Variants in RTF1 observed in about 807,000 individuals in gnomAD.
RTF1 encodes the protein RNA polymerase-associated protein RTF1 homolog.
RTF1 carries 10 observed loss-of-function variants against 95.7 expected under a neutral mutation model. The ratio of observed to expected loss-of-function variants is 0.10; its 90% CI spans 0.06 to 0.18. The LOEUF (loss-of-function observed/expected upper bound fraction) is 0.18. Among genes scored for constraint, RTF1 ranks in the 10% least tolerant of loss-of-function variants. RTF1 has a pLI of 1.00. For synonymous variants in RTF1, 305 were observed against 311.8 expected, an observed-to-expected ratio of 0.98 and a Z score of 0.23; for missense variants, 458 against 875.6, an observed-to-expected ratio of 0.52 and a Z score of 6.02.
chr15:41,424,553 C>T (rs1350206394), intron 1 of RTF1, among the ~76,000 whole-genome samples: 4 of 152,054 alleles, frequency 2.6e-5, no homozygotes, highest in South Asian at 2.1e-4. Flanking sequence ...AGTCAGTTTA[C>T]GGACTACACT....
intron 2 of RTF1, among the ~76,000 whole-genome samples, chr15:41,444,298 A>ATT (rs879695308): frequency 4.2e-5 from 6 of 143,114 alleles, no homozygotes; most frequent in African/African-American, 1.3e-4. Flanking sequence ...TACTTGCTAG[A>ATT]TTTTTTTTTT....
Position 41,417,321 on chromosome 15 carries a change from C to T in RTF1, c.198+8C>T. 8.0e-7 allele frequency: 1 copy of T among 1,246,922 alleles called. No homozygotes were observed. The allele number at this position is 1,246,922 out of a possible 1,614,324, so 77.2% of individuals were successfully genotyped here. A position where few individuals can be genotyped will look rare whatever the true frequency, so the allele number is the denominator to read the frequency against. On this transcript the variant is annotated splice_region_variant and intron_variant, in intron 1 of 17. Transcript: ENST00000389629. ...GACGAGAACCTGGATCAGGTGAGGG[C>T]AGGCCGCGGAGGCGCGGGCCGGCGG... is the stretch of plus-strand genomic sequence containing the variant.
At chr15:41,430,174 A>ATTTTTTTTTTTTTTT in intron 1 of RTF1, among the ~76,000 whole-genome samples, 1 of 110,256 alleles carries the variant, frequency 9.1e-6, no homozygotes, top group Non-Finnish European at 1.9e-5. Flanking sequence ...TGTCTGGCTA[A>ATTTTTTTTTTTTTTT]TTTTTTTTTT....
intron 9 of RTF1, among the ~76,000 whole-genome samples, chr15:41,475,282 A>G (rs1365439247): frequency 6.6e-6 from 1 of 152,144 alleles, no homozygotes. Flanking sequence ...TGTTGACTGT[A>G]ATGGATTTTA....
At position 41,431,371 on chromosome 15, in the gene RTF1, C is replaced by T. The variant is rs556735094; in HGVS notation, c.199-6950C>T. Reference sequence around the variant, plus strand: ...CTGGGATTACAGGCGCCTGCCACCACGCCCAGCTACTTTTTTTGTATTTTT... The same window carrying T: ...CTGGGATTACAGGCGCCTGCCACCATGCCCAGCTACTTTTTTTGTATTTTT... On this transcript the variant is annotated intron_variant, in intron 1 of 17. Transcript: ENST00000389629. Among the ~76,000 whole-genome samples the T allele has an allele frequency of 7.6e-4, 114 of 149,526 alleles. 1 individual carries two copies. In the East Asian group the frequency reaches 0.019, roughly 24 times the overall value.
At chr15:41,472,195 A>G (rs1027100225) in intron 8 of RTF1, among the ~76,000 whole-genome samples, 1 of 139,818 alleles carries the variant, frequency 7.2e-6, no homozygotes, top group Middle Eastern at 4.3e-3. Context: ...GCCTATTTTT[A>G]TTTTTATTTA....
chr15:41,454,185 G>A (rs1481236873), intron 3 of RTF1, among the ~76,000 whole-genome samples: 1 of 151,958 alleles, frequency 6.6e-6, no homozygotes, highest in Non-Finnish European at 1.5e-5. Context: ...CAACCTCTGT[G>A]TCCCGGGGTT....
rs376782318 is a variant in RTF1 at position 41,441,390 on chromosome 15, C to T, written c.309+2959C>T. Among the ~76,000 whole-genome samples the T allele has an allele frequency of 1.0e-3, 158 of 152,260 alleles. 2 individuals carry two copies. The South Asian group carries it at 0.025, about 24-fold the overall frequency. ...GAATATGTGTTATGCCTGGAATACCCTGTAATGTGTTTGTGGTCTCTGGTA... is the reference window on the plus strand; with the variant it reads ...GAATATGTGTTATGCCTGGAATACCTTGTAATGTGTTTGTGGTCTCTGGTA... On this transcript the variant is annotated intron_variant, in intron 2 of 17. Coordinates refer to ENST00000389629, the MANE Select transcript of RTF1 (RefSeq NM_015138.5).
chr15:41,437,357 C>T (rs181123513), intron 1 of RTF1, among the ~76,000 whole-genome samples: 52 of 150,978 alleles, frequency 3.4e-4, no homozygotes, highest in Middle Eastern at 3.4e-3. Flanking sequence ...AAAAATTAGC[C>T]GGGCGTGGTG....
At position 41,447,811 on chromosome 15, in the gene RTF1, G is replaced by T. The variant is rs140893450; in HGVS notation, c.310-5090G>T. 3.9e-5 allele frequency among the ~76,000 whole-genome samples: 6 copies of T among 152,260 alleles called. No homozygotes were observed. The East Asian group carries it at 1.2e-3, about 29-fold the overall frequency. On this transcript the variant is annotated intron_variant, in intron 2 of 17. Coordinates refer to ENST00000389629, the MANE Select transcript of RTF1 (RefSeq NM_015138.5). The stretch of plus-strand genomic sequence containing the variant: ...TTTTCTCATTCTTGGCTTATGTTTG[G>T]TGCATTTGAGGGCAGTTTGAAGGTT...
rs528306525 is a variant in RTF1, at chr15:41,454,102, T to A, written c.457+1054T>A. Among the ~76,000 whole-genome samples, 22 of 152,310 alleles carry A rather than the reference T, an allele frequency of 1.4e-4. No homozygotes were observed. In the East Asian group the frequency reaches 2.9e-3, roughly 20 times the overall value. On this transcript the variant is annotated intron_variant, in intron 3 of 17. Transcript: ENST00000389629. Reference sequence around the variant, plus strand: ...TGTGTTTTTTTATTTTTTATTTTTTTAATTTATTATCGAGACAGAGTTTCG... The same window carrying A: ...TGTGTTTTTTTATTTTTTATTTTTTAAATTTATTATCGAGACAGAGTTTCG...
intron 16 of RTF1, 141 bp downstream of exon 16, chr15:41,479,339 A>G: frequency 1.6e-6 from 1 of 613,548 alleles, no homozygotes; most frequent in South Asian, 2.0e-5. Flanking sequence ...CATCCCAGTT[A>G]TTTACAGATA....
rs750241172 is a variant in RTF1, at chr15:41,475,625, A to G, written c.1374+13A>G. On this transcript the variant is annotated intron_variant, in intron 10 of 17. Transcript: ENST00000389629. ...GTGGAAAGAAGCGGTACGTGGCTAG[A>G]GATTACCTAGCAGTTGTTCGTGCAC... is the stretch of plus-strand genomic sequence containing the variant. 10 of 1,607,314 alleles carry G rather than the reference A, an allele frequency of 6.2e-6. No homozygotes were observed. Among genetic ancestry groups the G allele is most frequent in the African/African-American group, 1.3e-5 (1 of 74,808 alleles).
Position 41,482,906 on chromosome 15 carries a change from G to A in RTF1, c.*2219G>A, listed in dbSNP as rs570523234. 6.6e-6 allele frequency: 1 copy of A among 152,082 alleles called. No homozygotes were observed. The highest frequency in any genetic ancestry group is 1.9e-4 in the East Asian group (1 of 5,176). The allele number at this position is 152,082 out of a possible 1,614,324, so 9.4% of individuals were successfully genotyped here. A position where few individuals can be genotyped will look rare whatever the true frequency, so the allele number is the denominator to read the frequency against. ...TCATTCTGATCCACCATGTAGATCTGTATTTAGTATCATTTGGATTTGGAG... is the reference window on the plus strand; with the variant it reads ...TCATTCTGATCCACCATGTAGATCTATATTTAGTATCATTTGGATTTGGAG... On this transcript the variant is annotated 3_prime_UTR_variant, in exon 18 of 18. Coordinates refer to ENST00000389629, the MANE Select transcript of RTF1 (RefSeq NM_015138.5).
At chr15:41,458,031 T>G (rs2050828076) in intron 4 of RTF1, among the ~76,000 whole-genome samples, 155 bp downstream of exon 4, 2 of 152,098 alleles carry the variant, frequency 1.3e-5, no homozygotes, top group Non-Finnish European at 2.9e-5. Context: ...TGTATTAAAT[T>G]TCAATCACAT....
chr15:41,433,336 G>A (rs971103083), intron 1 of RTF1, among the ~76,000 whole-genome samples: 1 of 152,132 alleles, frequency 6.6e-6, no homozygotes, highest in Non-Finnish European at 1.5e-5. Flanking sequence ...CTTACCAGAA[G>A]TCTTTTTTGC....
chr15:41,471,886 C>CATT (rs1002679741), intron 8 of RTF1, among the ~76,000 whole-genome samples: 1 of 151,608 alleles, frequency 6.6e-6, no homozygotes, highest in African/African-American at 2.4e-5. Context: ...TTTATTTTAC[C>CATT]ATTATTATTA....
intron 4 of RTF1, among the ~76,000 whole-genome samples, chr15:41,463,593 C>T (rs1350839887): frequency 6.6e-6 from 1 of 151,920 alleles, no homozygotes; most frequent in East Asian, 1.9e-4. Context: ...GCAGTTCTCC[C>T]ACCTCAGCCT....
At position 41,429,041 on chromosome 15, in the gene RTF1, C is replaced by T. The variant is rs142282174; in HGVS notation, c.199-9280C>T. ...CGTGAGCCACCACTCCTGGCCACAG[C>T]GAATTGATTTTTAATTTTTTGTAGA... On this transcript the variant is annotated intron_variant, in intron 1 of 17. Coordinates refer to ENST00000389629, the MANE Select transcript of RTF1 (RefSeq NM_015138.5). Among the ~76,000 whole-genome samples, 825 of 152,126 alleles carry T rather than the reference C, an allele frequency of 5.4e-3. 3 individuals carry two copies. Among genetic ancestry groups the T allele is most frequent in the Non-Finnish European group, 9.2e-3 (625 of 68,004 alleles).
Sources: gnomAD v4.1 joint callset for allele counts (sites outside exome capture counted in the v4.1 genomes callset) on GRCh38, gnomAD v4.1.1 for gene constraint, MANE v1.5 for transcripts, NCBI Gene and HGNC (gene_info 2026-07-23, HGNC 2026-07-21) for gene names.